The following INTS7 variants were observed in gnomAD, a reference collection of about 807,000 sequenced individuals.
The protein encoded by INTS7 is integrator complex subunit 7.
Under a neutral mutation model 109.2 loss-of-function variants are expected in INTS7, and 46 were observed. The ratio of observed to expected loss-of-function variants is 0.42; its 90% CI spans 0.33 to 0.54. The LOEUF (loss-of-function observed/expected upper bound fraction) is 0.54. Ranked by LOEUF, INTS7 falls within the 20% of genes least tolerant of loss-of-function variation. The pLI, the probability that INTS7 is intolerant of heterozygous loss-of-function variation, is 0.07. For synonymous variants in INTS7, 412 were observed against 402.9 expected (o/e 1.02, Z -0.27); for missense variants, 929 against 1,132.4 (o/e 0.82, Z 2.58).
chr1:212,000,835 T>G (rs566680091), intron 7 of INTS7, among the ~76,000 whole-genome samples: 5 of 152,194 alleles, frequency 3.3e-5, no homozygotes, highest in Non-Finnish European at 7.3e-5. Flanking sequence ...ATTAGGCTTC[T>G]TAAGGTCTTC....
intron 7 of INTS7, among the ~76,000 whole-genome samples, chr1:212,003,325 A>C (rs973489756): frequency 4.7e-5 from 7 of 148,284 alleles, no homozygotes; most frequent in African/African-American, 1.0e-4. Flanking sequence ...AAAAAAAAAA[A>C]CCCTTCAAAG....
At chr1:212,033,194 G>A (rs1268626501) in intron 1 of INTS7, among the ~76,000 whole-genome samples, 2 of 151,816 alleles carry the variant, frequency 1.3e-5, no homozygotes, top group Middle Eastern at 3.2e-3. Context: ...GTTTGGGAAC[G>A]AAAAAAAGAG....
At chr1:211,969,251 C>T (rs1198755249) in intron 13 of INTS7, among the ~76,000 whole-genome samples, 1 of 151,028 alleles carries the variant, frequency 6.6e-6, no homozygotes, top group Non-Finnish European at 1.5e-5. Flanking sequence ...CACCACTGCA[C>T]TCCAGCCTGG....
At chr1:212,001,031 T>C (rs1461772580) in intron 7 of INTS7, among the ~76,000 whole-genome samples, 1 of 150,136 alleles carries the variant, frequency 6.7e-6, no homozygotes, top group Non-Finnish European at 1.5e-5. Flanking sequence ...AGCAATACCA[T>C]ATCATTTCTC....
chr1:211,958,372 T>C (rs1217669980), intron 16 of INTS7, among the ~76,000 whole-genome samples: 1 of 152,208 alleles, frequency 6.6e-6, no homozygotes, highest in Non-Finnish European at 1.5e-5. Flanking sequence ...GAGAAATCAG[T>C]AGATATTCTG....
intron 7 of INTS7, among the ~76,000 whole-genome samples, chr1:211,995,143 C>CTTAA (rs1665325249): frequency 6.6e-6 from 1 of 151,954 alleles, no homozygotes; most frequent in Non-Finnish European, 1.5e-5. Context: ...AATAATTATG[C>CTTAA]CTAATTAGCA....
chr1:212,022,766 A>C (rs1360625152), intron 1 of INTS7, among the ~76,000 whole-genome samples: 1 of 152,070 alleles, frequency 6.6e-6, no homozygotes, highest in African/African-American at 2.4e-5. Context: ...TTTATTTTAG[A>C]TTCAGGGGGT....
chr1:212,026,066 T>C (rs1666905144), intron 1 of INTS7, among the ~76,000 whole-genome samples: 1 of 152,082 alleles, frequency 6.6e-6, no homozygotes, highest in African/African-American at 2.4e-5. Context: ...TGAGAACTGC[T>C]TGAACTCGGG....
chr1:211,944,455 A>C (rs1446581354), intron 19 of INTS7, among the ~76,000 whole-genome samples: 1 of 152,154 alleles, frequency 6.6e-6, no homozygotes, highest in African/African-American at 2.4e-5. Flanking sequence ...GTACTGACTG[A>C]GGCTGGGTGA....
At chr1:211,991,210 T>C (rs77128056) in intron 7 of INTS7, among the ~76,000 whole-genome samples, 1,642 of 152,060 alleles carry the variant, frequency 0.011, 29 homozygotes, top group African/African-American at 0.037. Context: ...GGACAGAAAA[T>C]AGGATGAGAT....
At position 211,968,712 on chromosome 1, in the gene INTS7, GAAAAAA is replaced by G; in HGVS notation, c.1816-11_1816-6del. 7.2e-7 allele frequency: 1 copy of G among 1,384,676 alleles called. No individual in the cohort carries two copies. The allele number at this position is 1,384,676 out of a possible 1,614,324, so 85.8% of individuals were successfully genotyped here. A position where few individuals can be genotyped will look rare whatever the true frequency, so the allele number is the denominator to read the frequency against. On this transcript the variant is annotated splice_polypyrimidine_tract_variant and splice_region_variant and intron_variant, in intron 13 of 19. Transcript: ENST00000366994. The stretch of plus-strand genomic sequence containing the variant: ...ATTCAGTGGTGTACTAGCTGCCTGG[GAAAAAA>G]AAAAAAAAGAGATATTTAAGACAAA...
At chr1:211,972,543 A>T (rs1485435365) in intron 13 of INTS7, among the ~76,000 whole-genome samples, 1 of 152,214 alleles carries the variant, frequency 6.6e-6, no homozygotes, top group Non-Finnish European at 1.5e-5. Flanking sequence ...TCCTGGTTCC[A>T]AGCATTTTAC....
At chr1:211,964,054 T>C (rs981116867) in intron 16 of INTS7, among the ~76,000 whole-genome samples, 2 of 152,084 alleles carry the variant, frequency 1.3e-5, no homozygotes, top group Non-Finnish European at 2.9e-5. Flanking sequence ...AGTCCAACTA[T>C]CCCTGTGTGC....
chr1:212,033,364 T>C (rs2102510972), intron 1 of INTS7, among the ~76,000 whole-genome samples: 1 of 152,344 alleles, frequency 6.6e-6, no homozygotes, highest in South Asian at 2.1e-4. Flanking sequence ...TTACTACAGA[T>C]GAGATGAAAA....
chr1:211,952,721 T>C lies in INTS7; in HGVS notation c.2184-20A>G. On this transcript the variant is annotated intron_variant, in intron 16 of 19. Transcript: ENST00000366994. The stretch of plus-strand genomic sequence containing the variant: ...TGGAAACTGAAGTAAAGGTCAATAT[T>C]CATTAATCCATCAAAATAGCATGGC... 2 of 1,604,404 alleles carry C rather than the reference T, an allele frequency of 1.2e-6. No homozygotes were observed. The highest frequency in any genetic ancestry group is 1.7e-6 in the Non-Finnish European group (2 of 1,173,482).
chr1:211,974,854 A>G (rs535469336), intron 13 of INTS7, among the ~76,000 whole-genome samples: 1 of 152,280 alleles, frequency 6.6e-6, no homozygotes, highest in African/African-American at 2.4e-5. Context: ...TTTATGTTTG[A>G]TGGTGGTACT....
Position 211,967,942 on chromosome 1 carries a change from G to A in INTS7, c.2050C>T (p.Arg684Ter), listed in dbSNP as rs147974722. 1.9e-6 allele frequency: 3 copies of A among 1,606,918 alleles called. No individual in the cohort carries two copies. The highest frequency in any genetic ancestry group is 1.1e-5 in the South Asian group (1 of 90,268). Reference sequence around the variant, plus strand: ...GATGCCTGGTAAAGATCTCCATATCGAGAAGCAAGGCTTCGAAATTCTTCC... The same window carrying A: ...GATGCCTGGTAAAGATCTCCATATCAAGAAGCAAGGCTTCGAAATTCTTCC... ...SMEEFRSLAS[R>*]YGDLYQASFD... is the part of the protein sequence containing the mutation. Residue 684 changes from arginine (R) to a stop codon, truncating the protein, a stop_gained, in exon 15 of 20, where the codon CGA becomes TGA. Transcript: ENST00000366994. LOFTEE classifies it high-confidence loss of function.
chr1:211,995,471 G>A (rs539103399), intron 7 of INTS7, among the ~76,000 whole-genome samples: 2 of 152,172 alleles, frequency 1.3e-5, no homozygotes, highest in African/African-American at 2.4e-5. Context: ...AAGGTTAAAC[G>A]GATAATAAAA....
chr1:212,004,249 G>T (rs190485951), intron 7 of INTS7, among the ~76,000 whole-genome samples: 1 of 152,150 alleles, frequency 6.6e-6, no homozygotes, highest in African/African-American at 2.4e-5. Context: ...AGTTGAGGTG[G>T]GAGGATGGCT....
Sources: gnomAD v4.1 joint callset for allele counts (sites outside exome capture counted in the v4.1 genomes callset) on GRCh38, gnomAD v4.1.1 for gene constraint, MANE v1.5 for transcripts, NCBI Gene and HGNC (gene_info 2026-07-23, HGNC 2026-07-21) for gene names.